Variants in NRXN1 observed in about 807,000 individuals in gnomAD.
NRXN1 encodes the protein neurexin-1.
In NRXN1, 39 loss-of-function variants were observed where a neutral mutation model predicts 150.9. The observed-to-expected ratio is 0.26, with a 90% CI of 0.20 to 0.34. The LOEUF (loss-of-function observed/expected upper bound fraction) is 0.34, where lower values mean the gene tolerates loss of function less well. Among genes scored for constraint, NRXN1 ranks in the 10% least tolerant of loss-of-function variants. The pLI, the probability that NRXN1 is intolerant of heterozygous loss-of-function variation, is 1.00. For synonymous variants in NRXN1, 924 were observed against 757.0 expected, an observed-to-expected ratio of 1.22 and a Z score of -3.62; for missense variants, 1,815 against 1,949.9, an observed-to-expected ratio of 0.93 and a Z score of 1.30.
intron 5 of NRXN1, among the ~76,000 whole-genome samples, chr2:50,736,189 A>G (rs2105236619): frequency 6.6e-6 from 1 of 152,296 alleles, no homozygotes; most frequent in South Asian, 2.1e-4. Flanking sequence ...AGGACCTTTG[A>G]ACATGCTGTG....
intron 2 of NRXN1, among the ~76,000 whole-genome samples, chr2:50,930,883 G>A (rs928472068): frequency 6.6e-6 from 1 of 152,102 alleles, no homozygotes; most frequent in African/African-American, 2.4e-5. Context: ...AAGAAAGGTG[G>A]CTCAGGTGAG....
At chr2:50,172,256 A>G (rs1158588768) in intron 18 of NRXN1, among the ~76,000 whole-genome samples, 1 of 152,112 alleles carries the variant, frequency 6.6e-6, no homozygotes, top group East Asian at 1.9e-4. Context: ...AACTTTCACT[A>G]TTTTAGCCTG....
At chr2:50,634,084 G>C (rs977558785) in intron 5 of NRXN1, among the ~76,000 whole-genome samples, 4 of 152,184 alleles carry the variant, frequency 2.6e-5, no homozygotes, top group Non-Finnish European at 5.9e-5. Context: ...AATCAGAGCT[G>C]TGGGATGGGG....
chr2:51,012,588 A>G (rs911480761), intron 2 of NRXN1, among the ~76,000 whole-genome samples: 1 of 152,032 alleles, frequency 6.6e-6, no homozygotes, highest in Non-Finnish European at 1.5e-5. Context: ...TTTAGGTTTC[A>G]AGCCCTTTAT....
intron 3 of NRXN1, among the ~76,000 whole-genome samples, chr2:50,923,950 T>C (rs957931166): frequency 6.6e-6 from 1 of 151,830 alleles, no homozygotes; most frequent in Non-Finnish European, 1.5e-5. Flanking sequence ...CTCTGAACTG[T>C]AGCCTCTCTG....
At chr2:50,871,990 C>T (rs966053444) in intron 5 of NRXN1, among the ~76,000 whole-genome samples, 5 of 151,626 alleles carry the variant, frequency 3.3e-5, no homozygotes, top group Non-Finnish European at 7.4e-5. Context: ...CTTCATTTTC[C>T]CTGTAGAGAA....
At chr2:50,449,496 T>A (rs1006585231) in intron 17 of NRXN1, among the ~76,000 whole-genome samples, 6 of 152,202 alleles carry the variant, frequency 3.9e-5, no homozygotes, top group Non-Finnish European at 8.8e-5. Context: ...ATATGAATCA[T>A]CTGGGATCTT....
At chr2:49,951,690 G>A (rs557494234) in intron 21 of NRXN1, among the ~76,000 whole-genome samples, 1 of 152,122 alleles carries the variant, frequency 6.6e-6, no homozygotes, top group East Asian at 1.9e-4. Flanking sequence ...GCTTCTAGCT[G>A]TATCAGTATG....
intron 18 of NRXN1, among the ~76,000 whole-genome samples, chr2:50,206,647 C>CAG (rs2062602691): frequency 6.6e-6 from 1 of 151,938 alleles, no homozygotes; most frequent in Admixed American, 6.6e-5. Flanking sequence ...TATGGACCCT[C>CAG]AGGTTGACAA....
At chr2:50,570,994 C>A (rs1670584369) in intron 8 of NRXN1, among the ~76,000 whole-genome samples, 1 of 152,040 alleles carries the variant, frequency 6.6e-6, no homozygotes, top group South Asian at 2.1e-4. Context: ...CTGTTTTTGA[C>A]CAAGCCACAA....
chr2:50,578,682 C>A (rs1306301967), intron 8 of NRXN1, among the ~76,000 whole-genome samples: 1 of 151,592 alleles, frequency 6.6e-6, no homozygotes, highest in Non-Finnish European at 1.5e-5. Context: ...CATCACCATC[C>A]CTCATTTTTA....
At chr2:50,375,584 A>G (rs1227825926) in intron 17 of NRXN1, among the ~76,000 whole-genome samples, 1 of 150,084 alleles carries the variant, frequency 6.7e-6, no homozygotes, top group Admixed American at 6.7e-5. Context: ...AAATTAGGAA[A>G]CAGAATAATC....
At chr2:50,418,647 G>T (rs2083736279) in intron 17 of NRXN1, among the ~76,000 whole-genome samples, 1 of 151,930 alleles carries the variant, frequency 6.6e-6, no homozygotes, top group African/African-American at 2.4e-5. Context: ...GCATACCCTT[G>T]TACAGGAGAA....
At chr2:50,165,884 C>G (rs1433250942) in intron 18 of NRXN1, among the ~76,000 whole-genome samples, 1 of 152,094 alleles carries the variant, frequency 6.6e-6, no homozygotes, top group East Asian at 1.9e-4. Flanking sequence ...ATTCTTAGGA[C>G]AGCTGGAGTC....
At chr2:50,474,185 T>C (rs568126522) in intron 15 of NRXN1, among the ~76,000 whole-genome samples, 1 of 152,042 alleles carries the variant, frequency 6.6e-6, no homozygotes, top group East Asian at 1.9e-4. Context: ...TCCTTTGTTT[T>C]TGCTCTCACT....
intron 12 of NRXN1, among the ~76,000 whole-genome samples, chr2:50,526,054 G>A (rs149074990): frequency 3.3e-4 from 50 of 152,286 alleles, no homozygotes; most frequent in African/African-American, 1.2e-3. Flanking sequence ...GCAAAGATTA[G>A]ATAGTCTGAC....
chr2:50,577,751 T>G (rs1223900353), intron 8 of NRXN1, among the ~76,000 whole-genome samples: 1 of 151,654 alleles, frequency 6.6e-6, no homozygotes, highest in Admixed American at 6.6e-5. Context: ...CTAAATGGTA[T>G]GTCTTTTGAA....
intron 5 of NRXN1, among the ~76,000 whole-genome samples, chr2:50,782,967 A>C (rs927651745): frequency 6.6e-6 from 1 of 152,158 alleles, no homozygotes; most frequent in African/African-American, 2.4e-5. Flanking sequence ...TTAAAGCTTC[A>C]TTATGTTTCT....
At chr2:50,049,518 T>A (rs1292678435) in intron 21 of NRXN1, among the ~76,000 whole-genome samples, 3 of 152,192 alleles carry the variant, frequency 2.0e-5, no homozygotes, top group African/African-American at 7.2e-5. Flanking sequence ...TCCATTATAC[T>A]ACAATCTCTC....
Sources: gnomAD v4.1 joint callset for allele counts (sites outside exome capture counted in the v4.1 genomes callset) on GRCh38, gnomAD v4.1.1 for gene constraint, MANE v1.5 for transcripts, NCBI Gene and HGNC (gene_info 2026-07-23, HGNC 2026-07-21) for gene names.